TMEM131: variants seen among roughly 807,000 people sequenced by gnomAD.
TMEM131 encodes the protein 2610524E03Rik.
In TMEM131, 66 loss-of-function variants were observed where a neutral mutation model predicts 211.6. The observed-to-expected ratio is 0.31, with a 90% confidence interval of 0.26 to 0.38. TMEM131 has a LOEUF of 0.38. Ranked by LOEUF, TMEM131 falls within the 10% of genes least tolerant of loss-of-function variation. TMEM131 has a pLI of 1.00. For missense variants in TMEM131, 2,036 were observed against 2,299.3 expected (o/e 0.89, Z 2.34); for synonymous variants, 844 against 841.3 (o/e 1.00, Z -0.06).
At position 97,809,601 on chromosome 2, in the gene TMEM131, G is replaced by C. The variant is rs577654545; in HGVS notation, c.2055+87C>G. On this transcript the variant is annotated intron_variant, in intron 19 of 40. Coordinates refer to ENST00000186436, the MANE Select transcript of TMEM131 (RefSeq NM_015348.2). ...AATAAATGACTAATAAAGAATAACT[G>C]ACTTTACTCTAAGATTCTAGGAACA... The C allele has an allele frequency of 1.4e-5, 12 of 881,620 alleles. No homozygotes were observed. In the African/African-American group the frequency reaches 2.0e-4, roughly 15 times the overall value. The allele number at this position is 881,620 out of a possible 1,614,324, so 54.6% of individuals were successfully genotyped here.
intron 7 of TMEM131, among the ~76,000 whole-genome samples, chr2:97,840,700 AAAC>A (rs1246258646): frequency 6.6e-6 from 1 of 151,052 alleles, no homozygotes; most frequent in East Asian, 1.9e-4. Context: ...AAAAGGACGT[AAAC>A]AACAGAAGGA....
At chr2:97,830,758 A>G (rs892614568) in intron 11 of TMEM131, among the ~76,000 whole-genome samples, 4 of 152,220 alleles carry the variant, frequency 2.6e-5, no homozygotes, top group African/African-American at 9.6e-5. Context: ...TTATAGACAT[A>G]TTAGGAGAGT....
chr2:97,983,273 C>G (rs1679878767), intron 1 of TMEM131, among the ~76,000 whole-genome samples: 1 of 152,160 alleles, frequency 6.6e-6, no homozygotes, highest in South Asian at 2.1e-4. Flanking sequence ...GTGACAGTCT[C>G]AAGTAGTAGC....
chr2:97,759,137 C>A, intron 39 of TMEM131, 84 bp from the exon 40 acceptor site: 1 of 1,527,748 alleles, frequency 6.5e-7, no homozygotes, highest in Non-Finnish European at 9.0e-7. Context: ...CAATGGCATA[C>A]CTCCAACCAC....
At chr2:97,883,844 A>G (rs1362183541) in intron 4 of TMEM131, among the ~76,000 whole-genome samples, 1 of 152,218 alleles carries the variant, frequency 6.6e-6, no homozygotes, top group African/African-American at 2.4e-5. Flanking sequence ...ATATTGAGAT[A>G]ATATGGTTAG....
rs892927529 is a variant in TMEM131 at position 97,797,224 on chromosome 2, T to C, written c.2870+141A>G. On this transcript the variant is annotated intron_variant, in intron 26 of 40. Transcript: ENST00000186436. ...CATTTGATAACAAAGGTATGTTTCA[T>C]CAGGCATGGAGTGTGTGCATGTTTT... 7.8e-5 allele frequency: 69 copies of C among 886,258 alleles called. No individual in the cohort carries two copies. In the Admixed American group the frequency reaches 8.3e-4, roughly 11 times the overall value. The allele number at this position is 886,258 out of a possible 1,614,324, so 54.9% of individuals were successfully genotyped here.
chr2:97,761,997 T>C (rs1678875650), intron 36 of TMEM131, 38 bp downstream of exon 36: 1 of 1,524,060 alleles, frequency 6.6e-7, no homozygotes, highest in South Asian at 1.3e-5. Flanking sequence ...TTTAGGCACA[T>C]TTCAAGCTGA....
In TMEM131 at chr2:97,844,208, T is replaced by C; in HGVS notation, c.537A>G (p.Val179=). 1 of 1,335,006 alleles carries C rather than the reference T, an allele frequency of 7.5e-7. No homozygotes were observed. Among genetic ancestry groups the C allele is most frequent in the Non-Finnish European group, 9.9e-7 (1 of 1,008,464 alleles). The allele number at this position is 1,335,006 out of a possible 1,614,324, so 82.7% of individuals were successfully genotyped here. The change falls in exon 6 of 41, where the codon GTA becomes GTG. Residue 179 remains valine, a synonymous_variant. Coordinates refer to ENST00000186436, the MANE Select transcript of TMEM131 (RefSeq NM_015348.2). ...ATAAAGTATTTTCTACATTTCCTAC[T>C]ACTCTTGCAAGAAAAACTACATCAA... ...TSFDVVFLAR[V]VGNVENTLFI...
chr2:97,806,118 GC>G (rs1681283732), intron 19 of TMEM131, among the ~76,000 whole-genome samples: 1 of 152,166 alleles, frequency 6.6e-6, no homozygotes, highest in Admixed American at 6.5e-5. Context: ...AAAATCTAAA[GC>G]CAAAGGGGAC....
intron 4 of TMEM131, among the ~76,000 whole-genome samples, chr2:97,861,959 G>A (rs1674085824): frequency 6.6e-6 from 1 of 152,188 alleles, no homozygotes; most frequent in Non-Finnish European, 1.5e-5. Flanking sequence ...CTGACCCAGT[G>A]CAGTTCCAGT....
chr2:97,942,825 AAAG>A (rs2104498526), intron 1 of TMEM131, among the ~76,000 whole-genome samples: 1 of 152,052 alleles, frequency 6.6e-6, no homozygotes, highest in Admixed American at 6.6e-5. Flanking sequence ...TAAAAAGCAT[AAAG>A]AAGGACAAAA....
intron 22 of TMEM131, among the ~76,000 whole-genome samples, chr2:97,803,931 T>C (rs1681159723): frequency 6.6e-6 from 1 of 152,242 alleles, no homozygotes; most frequent in Non-Finnish European, 1.5e-5. Context: ...TAGTGTTCTC[T>C]TAGCAAGTCC....
chr2:97,831,411 G>A (rs2105053794), intron 11 of TMEM131, among the ~76,000 whole-genome samples: 1 of 152,276 alleles, frequency 6.6e-6, no homozygotes, highest in Admixed American at 6.5e-5. Context: ...TACAGTTGAT[G>A]TTCATTAAAT....
chr2:97,950,539 T>A (rs1230379836), intron 1 of TMEM131, among the ~76,000 whole-genome samples: 1 of 152,208 alleles, frequency 6.6e-6, no homozygotes, highest in Non-Finnish European at 1.5e-5. Flanking sequence ...CTACACTCTG[T>A]GGCAAAGAGC....
intron 12 of TMEM131, 106 bp from the exon 13 acceptor site, chr2:97,815,413 C>A: frequency 5.0e-6 from 3 of 599,636 alleles, no homozygotes; most frequent in South Asian, 2.8e-5. Flanking sequence ...AGTTGAGCTT[C>A]CAAATTGGCC....
chr2:97,917,840 T>C (rs1676572038), intron 2 of TMEM131, among the ~76,000 whole-genome samples: 1 of 152,180 alleles, frequency 6.6e-6, no homozygotes, highest in Non-Finnish European at 1.5e-5. Context: ...GTATGGCTGA[T>C]TCAATCACTG....
In TMEM131 at chr2:97,794,953, A is replaced by G; in HGVS notation, c.3363T>C (p.Tyr1121=). 3 of 1,598,118 alleles carry G rather than the reference A, an allele frequency of 1.9e-6. No homozygotes were observed. The highest frequency in any genetic ancestry group is 2.6e-6 in the Non-Finnish European group (3 of 1,171,618). ...LPRPNWELAL[Y]IIISGIMSAL... ...ACCTCATTATTCCTGAGATGATGAT[A>G]TACAGAGCCAGTTCCCAGTTAGGTC... The change falls in exon 29 of 41, where the codon TAT becomes TAC. Residue 1121 remains tyrosine, a synonymous_variant. Transcript: ENST00000186436.
intron 2 of TMEM131, among the ~76,000 whole-genome samples, chr2:97,924,336 T>C (rs1423272378): frequency 1.3e-5 from 2 of 152,086 alleles, no homozygotes; most frequent in Non-Finnish European, 2.9e-5. Flanking sequence ...TGAGCTGTCA[T>C]TGCGCCACTG....
At position 97,799,444 on chromosome 2, in the gene TMEM131, C is replaced by T. The variant is rs150135299; in HGVS notation, c.2719-1928G>A. Among the ~76,000 whole-genome samples, 439 of 152,186 alleles carry T rather than the reference C, an allele frequency of 2.9e-3. 2 individuals carry two copies. The highest frequency in any genetic ancestry group is 0.01 in the African/African-American group (425 of 41,504). On this transcript the variant is annotated intron_variant, in intron 25 of 40. Transcript: ENST00000186436. The stretch of plus-strand genomic sequence containing the variant: ...ACTAGCTGCTTTTCTCATGGAACAC[C>T]GTTTATGTCTGAAAGAATGACAGAC...
Sources: gnomAD v4.1 joint callset for allele counts (sites outside exome capture counted in the v4.1 genomes callset) on GRCh38, gnomAD v4.1.1 for gene constraint, MANE v1.5 for transcripts, NCBI Gene and HGNC (gene_info 2026-07-23, HGNC 2026-07-21) for gene names.